Variants in PYHIN1 observed in about 807,000 individuals in gnomAD.
PYHIN1 encodes the protein pyrin and HIN domain family member 1.
PYHIN1 carries 32 observed loss-of-function variants against 43.7 expected under a neutral mutation model. That is an observed-to-expected ratio of 0.73 (90% CI 0.55 to 0.98). The LOEUF is 0.98. Among genes scored for constraint, PYHIN1 ranks in the 50% least tolerant of loss-of-function variants. PYHIN1 has a pLI of 0.00. For missense variants in PYHIN1, 588 were observed against 589.5 expected, an observed-to-expected ratio of 1.00 and a Z score of 0.03; for synonymous variants, 205 against 203.1, an observed-to-expected ratio of 1.01 and a Z score of -0.08.
chr1:158,982,119 C>T, the PYHIN1 span, among the ~76,000 whole-genome samples: 3 of 152,240 alleles, frequency 2.0e-5, no homozygotes, highest in Admixed American at 6.5e-5. Flanking sequence ...GTCTAATTTG[C>T]TGTACAGAAG....
At chr1:158,989,823 A>AC in the PYHIN1 span, among the ~76,000 whole-genome samples, 2 of 152,314 alleles carry the variant, frequency 1.3e-5, no homozygotes, top group Admixed American at 6.5e-5. Flanking sequence ...TTCTTAAAGG[A>AC]CCATCTTCCT....
chr1:158,964,537 C>T (rs1268642138), intron 7 of PYHIN1, among the ~76,000 whole-genome samples: 1 of 152,188 alleles, frequency 6.6e-6, no homozygotes, highest in Non-Finnish European at 1.5e-5. Flanking sequence ...TACAGCAGAA[C>T]TTTCAACAGG....
chr1:158,956,047 A>C (rs1251674067), intron 7 of PYHIN1, among the ~76,000 whole-genome samples: 1 of 146,782 alleles, frequency 6.8e-6, no homozygotes, highest in Non-Finnish European at 1.5e-5. Flanking sequence ...CCCAAGAGTA[A>C]ACCAGGAAGA....
intron 7 of PYHIN1, among the ~76,000 whole-genome samples, chr1:158,953,071 A>T (rs1649664476): frequency 1.3e-5 from 2 of 152,290 alleles, no homozygotes; most frequent in South Asian, 2.1e-4. Flanking sequence ...GCACCAGGAG[A>T]TTATATCCTG....
chr1:158,943,153 T>C (rs1035635762), intron 5 of PYHIN1, among the ~76,000 whole-genome samples: 2 of 152,208 alleles, frequency 1.3e-5, no homozygotes, highest in African/African-American at 4.8e-5. Flanking sequence ...TGATCTGTTA[T>C]ATTTATTTTC....
intron 7 of PYHIN1, among the ~76,000 whole-genome samples, chr1:158,954,550 C>T (rs528988286): frequency 5.9e-5 from 9 of 151,794 alleles, no homozygotes; most frequent in Admixed American, 3.9e-4. Flanking sequence ...CAAGCAAATG[C>T]TGAGAGATTT....
At chr1:158,962,186 T>A (rs1239957059) in intron 7 of PYHIN1, among the ~76,000 whole-genome samples, 5 of 152,180 alleles carry the variant, frequency 3.3e-5, no homozygotes, top group Non-Finnish European at 7.3e-5. Context: ...CAGACTGTTT[T>A]ATACGTGGAT....
In PYHIN1 at chr1:158,933,310, TGAA is replaced by T. The variant is rs1648279622; in HGVS notation, c.-21+1536_-21+1538del. On this transcript the variant is annotated intron_variant, in intron 1 of 8. Coordinates refer to ENST00000368140, the MANE Select transcript of PYHIN1 (RefSeq NM_152501.5). The surrounding 1 kb of genome is among the most constrained non-coding windows in gnomAD (Gnocchi z 6.3). ...TATATTATATAACATTATATTATCA[TGAA>T]GGACTATACAATAATGAAAAATAAT... Among the ~76,000 whole-genome samples, 1 of 151,370 alleles carries T rather than the reference TGAA, an allele frequency of 6.6e-6. No individual in the cohort carries two copies. Among genetic ancestry groups the T allele is most frequent in the South Asian group, 2.1e-4 (1 of 4,834 alleles).
In PYHIN1 at chr1:158,973,665, G is replaced by C. The variant is rs569238161; in HGVS notation, c.1378G>C (p.Gly460Arg). 1.2e-6 allele frequency: 2 copies of C among 1,613,050 alleles called. No homozygotes were observed. The highest frequency in any genetic ancestry group is 1.7e-6 in the Non-Finnish European group (2 of 1,179,362). ...SFTKKDETHP[G>R]AQSSPANFRI... ...ACTCCAGAAGGATGAAACCCACCCA[G>C]GAGCACAGTCATCGCCTGCAAACTT... is the stretch of plus-strand genomic sequence containing the variant. The change falls in exon 8 of 9, where the codon GGA becomes CGA. Residue 460 changes from glycine to arginine, a missense_variant. Coordinates refer to ENST00000368140, the MANE Select transcript of PYHIN1 (RefSeq NM_152501.5).
the PYHIN1 span, among the ~76,000 whole-genome samples, chr1:158,986,003 G>A: frequency 1.5e-3 from 230 of 152,214 alleles, 1 homozygote; most frequent in African/African-American, 5.3e-3. Context: ...AGCTCTAGTA[G>A]GTTAGTTTGG....
downstream of PYHIN1, among the ~76,000 whole-genome samples, chr1:158,977,349 T>C (rs534663357): frequency 2.6e-5 from 4 of 152,204 alleles, no homozygotes; most frequent in East Asian, 7.7e-4. Context: ...GGGGGAATAA[T>C]TGGGTAATTT....
the PYHIN1 span, among the ~76,000 whole-genome samples, chr1:158,986,342 G>A: frequency 9.2e-5 from 14 of 152,114 alleles, no homozygotes; most frequent in Middle Eastern, 3.2e-3. Flanking sequence ...TTAGTTGATC[G>A]GCTTTGTTTC....
At position 158,954,891 on chromosome 1, in the gene PYHIN1, A is replaced by C. The variant is rs571184600; in HGVS notation, c.1359+9849A>C. On this transcript the variant is annotated intron_variant, in intron 7 of 8. Coordinates refer to ENST00000368140, the MANE Select transcript of PYHIN1 (RefSeq NM_152501.5). The stretch of plus-strand genomic sequence containing the variant: ...GCAGAGACACACATAGGCTCAAAAT[A>C]AAAGGATGGAGGAAGATCTACCAAG... Among the ~76,000 whole-genome samples, 469 of 150,484 alleles carry C rather than the reference A, an allele frequency of 3.1e-3. 3 individuals carry two copies. In the Middle Eastern group the frequency reaches 0.037, roughly 12 times the overall value.
intron 7 of PYHIN1, among the ~76,000 whole-genome samples, chr1:158,957,851 A>T (rs1167735963): frequency 6.7e-6 from 1 of 149,272 alleles, no homozygotes; most frequent in Non-Finnish European, 1.5e-5. Flanking sequence ...TTCACAACCT[A>T]CTCATCTGAC....
chr1:158,970,618 G>T (rs1650879171), intron 7 of PYHIN1, among the ~76,000 whole-genome samples: 1 of 151,994 alleles, frequency 6.6e-6, no homozygotes, highest in African/African-American at 2.4e-5. Flanking sequence ...AGCTTTGGTA[G>T]AAGGGAATAG....
chr1:158,956,180 A>T (rs1011017372), intron 7 of PYHIN1, among the ~76,000 whole-genome samples: 10 of 145,292 alleles, frequency 6.9e-5, no homozygotes, highest in Non-Finnish European at 1.1e-4. Flanking sequence ...AGGTACAAGG[A>T]GGAACTGGTA....
At chr1:158,985,615 G>C in the PYHIN1 span, among the ~76,000 whole-genome samples, 1 of 152,060 alleles carries the variant, frequency 6.6e-6, no homozygotes, top group Non-Finnish European at 1.5e-5. Context: ...TGGAGAATTG[G>C]ATAACTATGT....
At chr1:158,932,343 T>A (rs371003150) in intron 1 of PYHIN1, among the ~76,000 whole-genome samples, 1 of 152,098 alleles carries the variant, frequency 6.6e-6, no homozygotes, top group African/African-American at 2.4e-5. Flanking sequence ...TGGAAGGCTA[T>A]CTATCTGGTA....
chr1:158,935,146 G>A (rs1286626134), intron 1 of PYHIN1, among the ~76,000 whole-genome samples: 2 of 152,148 alleles, frequency 1.3e-5, no homozygotes, highest in Non-Finnish European at 2.9e-5. Flanking sequence ...TCTCAGTTGA[G>A]TCTAAAATGT....
Sources: allele counts gnomAD v4.1 joint callset (sites outside exome capture counted in the v4.1 genomes callset), GRCh38; gene constraint gnomAD v4.1.1; non-coding constraint Gnocchi (gnomAD v3.1); transcripts MANE v1.5; gene names NCBI Gene and HGNC (gene_info 2026-07-23, HGNC 2026-07-21).